C12orf54: variants seen among roughly 807,000 people sequenced by gnomAD.
C12orf54 encodes uncharacterized protein C12orf54.
C12orf54 carries 24 observed loss-of-function variants against 26.4 expected under a neutral mutation model. That is an observed-to-expected ratio of 0.91 (90% CI 0.66 to 1.28). The LOEUF (loss-of-function observed/expected upper bound fraction) is 1.28, where lower values mean the gene tolerates loss of function less well. C12orf54 is among the 50% of genes most tolerant of loss of function. The pLI, the probability that C12orf54 is intolerant of heterozygous loss-of-function variation, is 0.00. For synonymous variants in C12orf54, 54 were observed against 47.0 expected (o/e 1.15, Z -0.61); for missense variants, 154 against 150.9 (o/e 1.02, Z -0.11).
upstream of C12orf54, among the ~76,000 whole-genome samples, chr12:48,479,365 G>A (rs571479236): frequency 6.6e-6 from 1 of 152,242 alleles, no homozygotes; most frequent in South Asian, 2.1e-4. Flanking sequence ...ACTGCTGTGT[G>A]GTGGCGGGAG....
At chr12:48,429,091 G>A in the C12orf54 span, among the ~76,000 whole-genome samples, 67,270 of 151,918 alleles carry the variant, frequency 0.44, 15,670 homozygotes, top group East Asian at 0.73. Flanking sequence ...ATAGATGCAG[G>A]AAAAGCATTC....
chr12:48,474,671 A>G, the C12orf54 span, among the ~76,000 whole-genome samples: 1 of 152,328 alleles, frequency 6.6e-6, no homozygotes, highest in African/African-American at 2.4e-5. Context: ...ATCAAACTGC[A>G]AGGTGGCAGC....
At chr12:48,494,690 T>C in intron 7 of C12orf54, 108 bp from the exon 8 acceptor site, 1 of 1,207,220 alleles carries the variant, frequency 8.3e-7, no homozygotes. Flanking sequence ...TGCCCATTCT[T>C]GGGGGAGTGT....
At chr12:48,488,492 A>T in intron 4 of C12orf54, 1 of 383,622 alleles carries the variant, frequency 2.6e-6, no homozygotes, top group South Asian at 2.1e-5. Context: ...AAAAAAAAAA[A>T]AAAGAAAGAA....
At chr12:48,471,972 G>A in the C12orf54 span, among the ~76,000 whole-genome samples, 32 of 152,194 alleles carry the variant, frequency 2.1e-4, no homozygotes, top group African/African-American at 7.7e-4. Flanking sequence ...TACAATTCAT[G>A]AACATGGGAT....
intron 5 of C12orf54, among the ~76,000 whole-genome samples, chr12:48,489,720 G>A (rs958739293): frequency 7.1e-6 from 1 of 141,604 alleles, no homozygotes; most frequent in Non-Finnish European, 1.5e-5. Flanking sequence ...CCCAGCCTAA[G>A]AAGGATTTTT....
At chr12:48,471,469 G>A in the C12orf54 span, among the ~76,000 whole-genome samples, 1 of 152,080 alleles carries the variant, frequency 6.6e-6, no homozygotes, top group Non-Finnish European at 1.5e-5. Context: ...GATTTTTATA[G>A]GTTGAAGTCT....
chr12:48,486,504 T>C (rs1848277381), intron 3 of C12orf54, 184 bp from the exon 4 acceptor site: 2 of 661,646 alleles, frequency 3.0e-6, no homozygotes, highest in Admixed American at 2.6e-5. Flanking sequence ...CGAAGCAGGA[T>C]ATATGGGATG....
chr12:48,448,850 A>G, the C12orf54 span, among the ~76,000 whole-genome samples: 2 of 152,306 alleles, frequency 1.3e-5, no homozygotes, highest in East Asian at 1.9e-4. Context: ...CCCTCAGGGG[A>G]TCCTGAGAAC....
chr12:48,455,894 A>T, the C12orf54 span, among the ~76,000 whole-genome samples: 1 of 152,230 alleles, frequency 6.6e-6, no homozygotes, highest in Non-Finnish European at 1.5e-5. Flanking sequence ...ACTAACAATC[A>T]TAGTAACTAC....
At chr12:48,422,855 A>C in the C12orf54 span, among the ~76,000 whole-genome samples, 3 of 152,118 alleles carry the variant, frequency 2.0e-5, no homozygotes, top group African/African-American at 4.8e-5. Flanking sequence ...TAAATTCTTG[A>C]GAATAGACAA....
chr12:48,487,109 G>C (rs965076748), intron 4 of C12orf54, among the ~76,000 whole-genome samples: 2 of 152,116 alleles, frequency 1.3e-5, no homozygotes, highest in African/African-American at 4.8e-5. Flanking sequence ...ATAGTTGAAG[G>C]GTATATATGT....
chr12:48,414,499 T>A, the C12orf54 span, among the ~76,000 whole-genome samples: 7 of 152,262 alleles, frequency 4.6e-5, no homozygotes, highest in Admixed American at 2.6e-4. Context: ...AGTCAGTACC[T>A]GCTAAGAGGC....
At chr12:48,436,522 C>T in the C12orf54 span, among the ~76,000 whole-genome samples, 1 of 152,194 alleles carries the variant, frequency 6.6e-6, no homozygotes, top group Non-Finnish European at 1.5e-5. Flanking sequence ...AAGCACTCCT[C>T]AGCAAATGTA....
intron 6 of C12orf54, among the ~76,000 whole-genome samples, chr12:48,492,465 C>T (rs1459851207): frequency 1.3e-5 from 2 of 152,180 alleles, no homozygotes; most frequent in African/African-American, 4.8e-5. Flanking sequence ...CCCTGCAGGG[C>T]CCTGGGAACA....
chr12:48,471,501 T>C, the C12orf54 span, among the ~76,000 whole-genome samples: 1 of 152,184 alleles, frequency 6.6e-6, no homozygotes, highest in Non-Finnish European at 1.5e-5. Context: ...CTTTAATCCA[T>C]CTTCAGTTAG....
upstream of C12orf54, among the ~76,000 whole-genome samples, chr12:48,479,797 T>C (rs962378819): frequency 1.3e-5 from 2 of 152,112 alleles, no homozygotes; most frequent in African/African-American, 4.8e-5. Flanking sequence ...TGCACCCATT[T>C]TTCTCCTGCC....
chr12:48,475,422 A>C, the C12orf54 span, among the ~76,000 whole-genome samples: 2 of 152,364 alleles, frequency 1.3e-5, no homozygotes, highest in Non-Finnish European at 2.9e-5. Context: ...TGAGAGAAGA[A>C]GGCTTCAGAA....
At chr12:48,468,699 G>T in the C12orf54 span, among the ~76,000 whole-genome samples, 1 of 151,998 alleles carries the variant, frequency 6.6e-6, no homozygotes, top group African/African-American at 2.4e-5. Context: ...GGTTACATGG[G>T]TATATTTCAT....
Sources: gnomAD v4.1 joint callset for allele counts (sites outside exome capture counted in the v4.1 genomes callset) on GRCh38, gnomAD v4.1.1 for gene constraint, MANE v1.5 for transcripts, NCBI Gene and HGNC (gene_info 2026-07-23, HGNC 2026-07-21) for gene names.